Variants in DIS3L observed in about 807,000 individuals in gnomAD.
The protein encoded by DIS3L is DIS3 like exosome 3'-5' exoribonuclease.
In DIS3L, 100 loss-of-function variants were observed where a neutral mutation model predicts 120.3. That is an observed-to-expected ratio of 0.83 (90% confidence interval 0.71 to 0.98). The LOEUF (loss-of-function observed/expected upper bound fraction) is 0.98. Among genes scored for constraint, DIS3L ranks in the 50% least tolerant of loss-of-function variants. The pLI is 0.00. For missense variants in DIS3L, 1,196 were observed against 1,314.2 expected (o/e 0.91, Z 1.39); for synonymous variants, 426 against 470.6 (o/e 0.91, Z 1.23).
intron 7 of DIS3L, among the ~76,000 whole-genome samples, chr15:66,317,030 A>T (rs1482582600): frequency 6.6e-6 from 1 of 152,078 alleles, no homozygotes; most frequent in African/African-American, 2.4e-5. Flanking sequence ...ACCTGGATGA[A>T]GCTTTCCCCA....
chr15:66,318,454 G>C lies in DIS3L; in HGVS notation c.1000G>C (p.Val334Leu), dbSNP rs2092843895. Reference protein sequence around the residue: ...SPSEPMPTGRVVGILQKNWRD... With the variant: ...SPSEPMPTGRLVGILQKNWRD... ...TTTGTTTTGTTTTGCCAAAGGTCGA[G>C]TGGTGGGCATACTTCAGAAGAACTG... Residue 334 changes from valine to leucine, a missense_variant, in exon 8 of 17, where the codon GTG becomes CTG. Coordinates refer to ENST00000319212, the MANE Select transcript of DIS3L (RefSeq NM_001143688.3). The C allele has an allele frequency of 1.2e-6, 2 of 1,613,616 alleles. No homozygotes were observed. Among genetic ancestry groups the C allele is most frequent in the South Asian group, 2.2e-5 (2 of 91,006 alleles).
chr15:66,325,643 A>G (rs1207626894), intron 11 of DIS3L, among the ~76,000 whole-genome samples, 188 bp from the exon 12 acceptor site: 12 of 152,112 alleles, frequency 7.9e-5, no homozygotes, highest in African/African-American at 2.9e-4. Context: ...GGTGGCTTAC[A>G]CCTGTAATCG....
rs550506723 is a variant in DIS3L at position 66,297,515 on chromosome 15, C to T, written c.293+2374C>T. Among the ~76,000 whole-genome samples the T allele has an allele frequency of 8.5e-5, 13 of 152,310 alleles. No homozygotes were observed. The South Asian group carries it at 2.7e-3, about 32-fold the overall frequency. On this transcript the variant is annotated intron_variant, in intron 2 of 16. Transcript: ENST00000319212. ...TGTATACATTGTGGAAAGGCCAAAT[C>T]AAGCTAATTAGCATATGCATTACTT...
chr15:66,332,516 A>ATGTG (rs1566964112), intron 15 of DIS3L, among the ~76,000 whole-genome samples: 2 of 92,078 alleles, frequency 2.2e-5, no homozygotes, highest in South Asian at 7.9e-4. Context: ...GTGTGTGTGT[A>ATGTG]TATATATACA....
chr15:66,325,360 C>T (rs1470025009), intron 11 of DIS3L, among the ~76,000 whole-genome samples: 1 of 152,208 alleles, frequency 6.6e-6, no homozygotes, highest in African/African-American at 2.4e-5. Context: ...CACCACTGCA[C>T]TCCCACCTAG....
At chr15:66,332,116 C>A (rs1015077869) in intron 15 of DIS3L, 96 bp downstream of exon 15, 189 of 1,207,236 alleles carry the variant, frequency 1.6e-4, no homozygotes, top group Middle Eastern at 5.8e-4. Context: ...AATATTTAAG[C>A]AACTAGTTAT....
rs777537433 is a variant in DIS3L at position 66,325,910 on chromosome 15, C to A, written c.1747C>A (p.Arg583=). ...AGTGTGGTATGGCAGAACCATTATTCGATCAGCATACAAACTGTTCTATGA... is the reference window on the plus strand; with the variant it reads ...AGTGTGGTATGGCAGAACCATTATTAGATCAGCATACAAACTGTTCTATGA... ...KKVWYGRTII[R]SAYKLFYEAA... is the part of the protein sequence containing the mutation. Residue 583 remains arginine, a synonymous_variant, in exon 12 of 17, where the codon CGA becomes AGA. Coordinates refer to ENST00000319212, the MANE Select transcript of DIS3L (RefSeq NM_001143688.3). The A allele has an allele frequency of 2.0e-5, 33 of 1,613,980 alleles. No individual in the cohort carries two copies. Among genetic ancestry groups the A allele is most frequent in the Non-Finnish European group, 2.8e-5 (33 of 1,179,986 alleles).
rs771872729 is a variant in DIS3L, at chr15:66,329,211, C to A, written c.2357-10C>A. 1 of 1,586,204 alleles carries A rather than the reference C, an allele frequency of 6.3e-7. No homozygotes were observed. The highest frequency in any genetic ancestry group is 1.9e-5 in the Admixed American group (1 of 53,454). On this transcript the variant is annotated splice_polypyrimidine_tract_variant and intron_variant, in intron 13 of 16. Transcript: ENST00000319212. ...TTTGTTTATTTTGATCTTTTGCTTT[C>A]TTTTTGAAGGTCTTGCATTAGATAA...
chr15:66,309,094 A>AAAAAAAAAAAAAAAT lies in DIS3L; in HGVS notation c.558+251_558+252insAAAAAAAAAAAAATA. Among the ~76,000 whole-genome samples, 4 of 15,320 alleles carry AAAAAAAAAAAAAAAT rather than the reference A, an allele frequency of 2.6e-4. 2 individuals are homozygous for AAAAAAAAAAAAAAAT. Among genetic ancestry groups the AAAAAAAAAAAAAAAT allele is most frequent in the Non-Finnish European group, 4.8e-4 (4 of 8,310 alleles). 10.1% of individuals were successfully genotyped at this position (15,320 alleles called of 152,430 possible). A position where few individuals can be genotyped will look rare whatever the true frequency, so the allele number is the denominator to read the frequency against. On this transcript the variant is annotated intron_variant, in intron 4 of 16. Coordinates refer to ENST00000319212, the MANE Select transcript of DIS3L (RefSeq NM_001143688.3). ...CTTGTCTCTACAGAAAAAAAAAAAA[A>AAAAAAAAAAAAAAAT]ATATATATATCTCCAAGCATGGTGG... is the stretch of plus-strand genomic sequence containing the variant.
At position 66,322,770 on chromosome 15, in the gene DIS3L, A is replaced by G. The variant is rs1416013315; in HGVS notation, c.1410A>G (p.Lys470=). The stretch of plus-strand genomic sequence containing the variant: ...AACAAAAACGTAAAGACTTGAGGAA[A>G]AGCCATCTCGTATTCAGCATTGACC... ...EEEQKRKDLR[K]SHLVFSIDPK... The change falls in exon 10 of 17, where the codon AAA becomes AAG. Residue 470 remains lysine (K), a synonymous_variant. Transcript: ENST00000319212. 6.2e-7 allele frequency: 1 copy of G among 1,614,072 alleles called. No homozygotes were observed. The highest frequency in any genetic ancestry group is 1.3e-5 in the African/African-American group (1 of 74,926).
In DIS3L at chr15:66,322,812, T is replaced by C. The variant is rs774583472; in HGVS notation, c.1452T>C (p.Asp484=). ...VFSIDPKGCE[D]VDDTLSVRTL... ...GCATTGACCCCAAAGGTTGTGAAGA[T>C]GTGGATGACACACTCTCAGTCAGAA... The change falls in exon 10 of 17, where the codon GAT becomes GAC. Residue 484 remains aspartate, a synonymous_variant. Coordinates refer to ENST00000319212, the MANE Select transcript of DIS3L (RefSeq NM_001143688.3). The C allele has an allele frequency of 1.7e-5, 28 of 1,614,066 alleles. No homozygotes were observed. Among genetic ancestry groups the C allele is most frequent in the Admixed American group, 1.3e-4 (8 of 60,004 alleles).
chr15:66,293,996 A>T (rs1166769462), intron 1 of DIS3L: 51 of 989,948 alleles, frequency 5.2e-5, no homozygotes, highest in African/African-American at 3.0e-4. Flanking sequence ...CCCGCACCCC[A>T]TGCCGGAGGC....
intron 2 of DIS3L, among the ~76,000 whole-genome samples, chr15:66,296,225 T>C (rs2092584735): frequency 6.6e-6 from 1 of 152,220 alleles, no homozygotes; most frequent in Non-Finnish European, 1.5e-5. Flanking sequence ...TTCTGTTTTC[T>C]GAAATATTTT....
intron 5 of DIS3L, among the ~76,000 whole-genome samples, 176 bp downstream of exon 5, chr15:66,312,076 G>A (rs1260208227): frequency 1.3e-5 from 2 of 151,970 alleles, no homozygotes; most frequent in African/African-American, 4.8e-5. Flanking sequence ...GCGTGGTAGT[G>A]TGCACCTGTA....
At chr15:66,310,788 T>G (rs906124528) in intron 4 of DIS3L, among the ~76,000 whole-genome samples, 2 of 152,148 alleles carry the variant, frequency 1.3e-5, no homozygotes, top group South Asian at 4.1e-4. Context: ...GAAGAGAGAA[T>G]GTGCTAGACT....
chr15:66,329,381 T>A lies in DIS3L; in HGVS notation c.2517T>A (p.His839Gln), dbSNP rs547687396. The change falls in exon 14 of 17, where the codon CAT becomes CAA. Residue 839 changes from histidine to glutamine, a missense_variant. Physicochemically the swap from His to Gln is conservative, Grantham distance 24. Coordinates refer to ENST00000319212, the MANE Select transcript of DIS3L (RefSeq NM_001143688.3). ...SNKDLEELCR[H>Q]INNRNQAAQH... ...AAGATCTTGAGGAATTATGCAGACA[T>A]ATCAACAACAGAAACCAAGTAAGAG... 28 of 1,604,238 alleles carry A rather than the reference T, an allele frequency of 1.7e-5. No individual in the cohort carries two copies. In the African/African-American group the frequency reaches 3.6e-4, roughly 21 times the overall value.
chr15:66,323,463 G>T, intron 10 of DIS3L, 30 bp from the exon 11 acceptor site: 1 of 1,611,704 alleles, frequency 6.2e-7, no homozygotes, highest in Non-Finnish European at 8.5e-7. Flanking sequence ...CCTGCTAAAG[G>T]TCGCGTTGCC....
intron 2 of DIS3L, among the ~76,000 whole-genome samples, chr15:66,304,791 C>T (rs1385867284): frequency 5.3e-5 from 8 of 150,368 alleles, no homozygotes; most frequent in Admixed American, 1.3e-4. Flanking sequence ...ATCCCAGCTG[C>T]TCGGGAGGCT....
intron 6 of DIS3L, among the ~76,000 whole-genome samples, chr15:66,314,546 G>A (rs1315947257): frequency 1.3e-5 from 2 of 152,128 alleles, no homozygotes; most frequent in Non-Finnish European, 2.9e-5. Context: ...TGTAATGACA[G>A]GGTGAAAAAG....
Sources: allele counts gnomAD v4.1 joint callset (sites outside exome capture counted in the v4.1 genomes callset), GRCh38; gene constraint gnomAD v4.1.1; transcripts MANE v1.5; gene names NCBI Gene and HGNC (gene_info 2026-07-23, HGNC 2026-07-21).